Variants in DRC8 observed in about 807,000 individuals in gnomAD.
DRC8 encodes dynein regulatory complex subunit 8, also known as dynein regulatory complex protein 8.
the DRC8 span, among the ~76,000 whole-genome samples, chr1:245,069,387 A>C: frequency 6.6e-6 from 1 of 152,154 alleles, no homozygotes; most frequent in Non-Finnish European, 1.5e-5. Context: ...TCTCGTCCTC[A>C]TTGTCTTCAC....
the DRC8 span, among the ~76,000 whole-genome samples, chr1:245,063,151 G>T: frequency 0.12 from 17,523 of 151,914 alleles, 1,498 homozygotes; most frequent in African/African-American, 0.24. Flanking sequence ...TCCCACTTCC[G>T]TCAGCTTGGT....
the DRC8 span, among the ~76,000 whole-genome samples, chr1:245,075,361 A>G: frequency 1.3e-5 from 2 of 152,240 alleles, no homozygotes; most frequent in African/African-American, 4.8e-5. Flanking sequence ...GAAGCACAGT[A>G]TTTGCCACAT....
chr1:245,107,715 C>A, the DRC8 span, among the ~76,000 whole-genome samples: 1 of 152,170 alleles, frequency 6.6e-6, no homozygotes, highest in Non-Finnish European at 1.5e-5. Flanking sequence ...GCAATCACAG[C>A]CCCCTGTGCA....
At chr1:244,970,507 G>A in the DRC8 span, 1 of 1,508,256 alleles carries the variant, frequency 6.6e-7, no homozygotes, top group Non-Finnish European at 8.8e-7. Context: ...GCTGCACGGG[G>A]AAGCGCCGGG....
the DRC8 span, among the ~76,000 whole-genome samples, chr1:244,988,865 C>T: frequency 3.9e-5 from 6 of 152,038 alleles, no homozygotes; most frequent in South Asian, 2.1e-4. Flanking sequence ...GCTAGATACT[C>T]GATATTGTGC....
chr1:245,000,791 A>T, the DRC8 span, among the ~76,000 whole-genome samples: 1 of 152,002 alleles, frequency 6.6e-6, no homozygotes, highest in Non-Finnish European at 1.5e-5. Context: ...AAAAAAAAAA[A>T]AAAATGTGTC....
the DRC8 span, among the ~76,000 whole-genome samples, chr1:244,980,679 A>G: frequency 1.4e-4 from 21 of 152,346 alleles, no homozygotes; most frequent in African/African-American, 4.3e-4. Flanking sequence ...AGTTATGTAA[A>G]TAATAGTTCT....
the DRC8 span, among the ~76,000 whole-genome samples, chr1:245,016,659 C>T: frequency 1.3e-5 from 2 of 152,148 alleles, no homozygotes; most frequent in Admixed American, 6.6e-5. Context: ...AACCTTAGCA[C>T]ATTGTAAGTA....
chr1:245,067,701 T>C, the DRC8 span, among the ~76,000 whole-genome samples: 1 of 152,128 alleles, frequency 6.6e-6, no homozygotes, highest in African/African-American at 2.4e-5. Flanking sequence ...CCTGGTGAAG[T>C]GGGAATTTCT....
chr1:244,975,492 A>G, the DRC8 span, among the ~76,000 whole-genome samples: 10 of 152,358 alleles, frequency 6.6e-5, no homozygotes, highest in East Asian at 1.7e-3. Context: ...TTATACCCCC[A>G]ATATTTCATA....
At chr1:244,987,933 T>G in the DRC8 span, among the ~76,000 whole-genome samples, 10 of 152,184 alleles carry the variant, frequency 6.6e-5, no homozygotes, top group African/African-American at 2.4e-4. Flanking sequence ...AAACTTCTCT[T>G]ATATCCTTAG....
At chr1:244,981,098 G>A in the DRC8 span, among the ~76,000 whole-genome samples, 1 of 151,928 alleles carries the variant, frequency 6.6e-6, no homozygotes, top group Non-Finnish European at 1.5e-5. Context: ...CAGGAGAATC[G>A]CTTGAACCTG....
At chr1:245,111,489 A>G in the DRC8 span, among the ~76,000 whole-genome samples, 3 of 152,244 alleles carry the variant, frequency 2.0e-5, no homozygotes, top group African/African-American at 7.2e-5. Context: ...AAATGAATAG[A>G]CTAATGAAGG....
At chr1:245,018,778 G>A in the DRC8 span, among the ~76,000 whole-genome samples, 1 of 152,132 alleles carries the variant, frequency 6.6e-6, no homozygotes, top group African/African-American at 2.4e-5. Context: ...ACGTGTAGTT[G>A]GGTGCCAGAG....
chr1:244,970,907 T>G, the DRC8 span: 1 of 184,392 alleles, frequency 5.4e-6, no homozygotes. Flanking sequence ...CTCCACACTC[T>G]CGCCTGGGGT....
At chr1:244,970,635 C>T in the DRC8 span, 1 of 457,498 alleles carries the variant, frequency 2.2e-6, no homozygotes, top group Non-Finnish European at 3.6e-6. Flanking sequence ...CCCGGCCCGC[C>T]GCTCCGCCCC....
the DRC8 span, among the ~76,000 whole-genome samples, chr1:244,998,450 A>G: frequency 6.6e-6 from 1 of 152,118 alleles, no homozygotes; most frequent in African/African-American, 2.4e-5. Flanking sequence ...AGCTCAAGCA[A>G]TCCTTCCACC....
the DRC8 span, among the ~76,000 whole-genome samples, chr1:245,025,929 C>T: frequency 6.6e-6 from 1 of 152,180 alleles, no homozygotes; most frequent in East Asian, 1.9e-4. Context: ...GAGGCCTCCC[C>T]AGCCATGTGG....
the DRC8 span, among the ~76,000 whole-genome samples, chr1:245,100,389 G>A: frequency 8.8e-6 from 1 of 113,708 alleles, no homozygotes; most frequent in East Asian, 2.8e-4. Context: ...CATCTCAAAA[G>A]TAGTAGTAAT....
Sources: allele counts gnomAD v4.1 joint callset (sites outside exome capture counted in the v4.1 genomes callset), GRCh38; gene constraint gnomAD v4.1.1; transcripts MANE v1.5; gene names NCBI Gene and HGNC (gene_info 2026-07-23, HGNC 2026-07-21).